The following CHRNA3 variants were observed in gnomAD, a reference collection of about 807,000 sequenced individuals.
The protein encoded by CHRNA3 is cholinergic receptor nicotinic alpha 3 subunit.
Under a neutral mutation model 41.9 loss-of-function variants are expected in CHRNA3, and 34 were observed. The ratio of observed to expected loss-of-function variants is 0.81; its 90% CI spans 0.62 to 1.08. The LOEUF (loss-of-function observed/expected upper bound fraction) is 1.08. Among genes scored for constraint, CHRNA3 ranks in the 50% least tolerant of loss-of-function variants. The probability of loss-of-function intolerance (pLI) is 0.00; values close to 1 mark genes in which losing one functional copy is unlikely to be tolerated. For missense variants in CHRNA3, 542 were observed against 638.3 expected, an observed-to-expected ratio of 0.85 and a Z score of 1.63; for synonymous variants, 281 against 265.2, an observed-to-expected ratio of 1.06 and a Z score of -0.58.
rs1485878672 is a variant in CHRNA3 at position 78,595,958 on chromosome 15, A to T, written c.*646T>A. The T allele has an allele frequency of 1.3e-6, 1 of 781,260 alleles. No homozygotes were observed. Among genetic ancestry groups the T allele is most frequent in the African/African-American group, 1.9e-5 (1 of 52,790 alleles). The allele number at this position is 781,260 out of a possible 1,614,324, so 48.4% of individuals were successfully genotyped here. ...TGGTGCCTTGACCTTGGACCTCCCA[A>T]CCTCCAAAACTGAGAAGTTTCTGTT... On this transcript the variant is annotated 3_prime_UTR_variant, in exon 6 of 6. Transcript: ENST00000326828.
intron 4 of CHRNA3, among the ~76,000 whole-genome samples, chr15:78,606,852 TCATGCCAC>T (rs1163389044): frequency 1.3e-5 from 2 of 151,518 alleles, no homozygotes; most frequent in African/African-American, 4.9e-5. Context: ...TGAGCTGAGA[TCATGCCAC>T]CACGAGAGTC....
In CHRNA3 at chr15:78,617,012, C is replaced by T. The variant is rs2053472378; in HGVS notation, c.377+12G>A. 2 of 1,600,580 alleles carry T rather than the reference C, an allele frequency of 1.2e-6. No homozygotes were observed. Among genetic ancestry groups the T allele is most frequent in the Admixed American group, 1.7e-5 (1 of 59,742 alleles). ...ACAGCCCTGAGAGGGCGTGGGCCCC[C>T]CAGCACCTTACTTGTTATACAGCAC... On this transcript the variant is annotated intron_variant, in intron 4 of 5. Coordinates refer to ENST00000326828, the MANE Select transcript of CHRNA3 (RefSeq NM_000743.5).
At position 78,620,926 on chromosome 15, in the gene CHRNA3, T is replaced by C; in HGVS notation, c.-132A>G. On this transcript the variant is annotated 5_prime_UTR_variant, in exon 1 of 6. Coordinates refer to ENST00000326828, the MANE Select transcript of CHRNA3 (RefSeq NM_000743.5). ...CCGTGCGGGCGGAGACGCGCGGGGCTCCTCTCCGCTTCGCCGCCGCTGGGT... is the reference window on the plus strand; with the variant it reads ...CCGTGCGGGCGGAGACGCGCGGGGCCCCTCTCCGCTTCGCCGCCGCTGGGT... The C allele has an allele frequency of 8.8e-7, 1 of 1,130,540 alleles. No individual in the cohort carries two copies. The highest frequency in any genetic ancestry group is 1.1e-6 in the Non-Finnish European group (1 of 903,624). The allele number at this position is 1,130,540 out of a possible 1,614,324, so 70.0% of individuals were successfully genotyped here.
At chr15:78,606,540 G>T (rs542209800) in intron 4 of CHRNA3, among the ~76,000 whole-genome samples, 1 of 152,100 alleles carries the variant, frequency 6.6e-6, no homozygotes, top group Admixed American at 6.6e-5. Context: ...ATGAAAGAAT[G>T]TATAAAGAAC....
chr15:78,603,947 A>G (rs1034054509), intron 4 of CHRNA3, among the ~76,000 whole-genome samples: 6 of 152,036 alleles, frequency 3.9e-5, no homozygotes, highest in African/African-American at 1.4e-4. Flanking sequence ...GACTCAGCCC[A>G]TGTTTAGCAC....
chr15:78,596,623 A>C lies in CHRNA3; in HGVS notation c.1499T>G (p.Met500Arg), dbSNP rs1260151778. 1.2e-6 allele frequency: 2 copies of C among 1,608,106 alleles called. No homozygotes were observed. The highest frequency in any genetic ancestry group is 1.1e-5 in the South Asian group (1 of 89,614). ...TAGTGCTTATGCATCTTCCCTGGCC[A>C]TCAGGGGTTGCAGAAACAATCCTGC... is the stretch of plus-strand genomic sequence containing the variant. ...GTAGLFLQPL[M>R]AREDA The change falls in exon 6 of 6, where the codon ATG (methionine) becomes AGG (arginine). Residue 500 changes from methionine (M) to arginine (R), a missense_variant. Transcript: ENST00000326828.
intron 4 of CHRNA3, among the ~76,000 whole-genome samples, chr15:78,608,863 T>C (rs2141334979): frequency 6.6e-6 from 1 of 152,148 alleles, no homozygotes; most frequent in Middle Eastern, 3.4e-3. Flanking sequence ...ATAACTAGAA[T>C]AACCAATGCA....
intron 4 of CHRNA3, among the ~76,000 whole-genome samples, chr15:78,605,252 T>C (rs538382107): frequency 6.6e-6 from 1 of 152,084 alleles, no homozygotes; most frequent in Non-Finnish European, 1.5e-5. Context: ...TCTCTCTAAA[T>C]TTCTTCAGAA....
chr15:78,604,525 C>G (rs1003880071), intron 4 of CHRNA3, among the ~76,000 whole-genome samples: 9 of 152,194 alleles, frequency 5.9e-5, no homozygotes, highest in Non-Finnish European at 1.3e-4. Flanking sequence ...GTCACTGTGG[C>G]TGCTGCCCAC....
chr15:78,618,472 A>G, intron 3 of CHRNA3, 145 bp downstream of exon 3: 1 of 868,092 alleles, frequency 1.2e-6, no homozygotes, highest in Non-Finnish European at 1.9e-6. Flanking sequence ...AAGCCTTAGA[A>G]GAGATATATC....
At chr15:78,603,394 A>G (rs1029434280) in intron 4 of CHRNA3, among the ~76,000 whole-genome samples, 1 of 152,196 alleles carries the variant, frequency 6.6e-6, no homozygotes, top group Non-Finnish European at 1.5e-5. Context: ...TGAGTCTTGC[A>G]TTGGGCATTC....
chr15:78,608,067 C>T (rs950419053), intron 4 of CHRNA3, among the ~76,000 whole-genome samples: 2 of 152,228 alleles, frequency 1.3e-5, no homozygotes, highest in African/African-American at 4.8e-5. Flanking sequence ...ACAAAGCAGC[C>T]GGGAAGCTCG....
chr15:78,602,692 G>T (rs553610591), intron 4 of CHRNA3, among the ~76,000 whole-genome samples: 1 of 152,208 alleles, frequency 6.6e-6, no homozygotes, highest in Admixed American at 6.5e-5. Context: ...AGTCTGTACC[G>T]GGCGCCTAAT....
chr15:78,619,208 G>C, intron 1 of CHRNA3: 2 of 469,662 alleles, frequency 4.3e-6, no homozygotes, highest in Non-Finnish European at 7.7e-6. Flanking sequence ...CTTGTAAGCT[G>C]TGTGAGCTTA....
At chr15:78,617,709 G>C (rs2053485489) in intron 3 of CHRNA3, among the ~76,000 whole-genome samples, 1 of 152,156 alleles carries the variant, frequency 6.6e-6, no homozygotes, top group Non-Finnish European at 1.5e-5. Flanking sequence ...TCAAGTACTG[G>C]GTGGGGCACT....
At position 78,596,799 on chromosome 15, in the gene CHRNA3, T is replaced by C. The variant is rs1264738708; in HGVS notation, c.1390-67A>G. The C allele has an allele frequency of 8.4e-6, 13 of 1,540,972 alleles. No homozygotes were observed. In the East Asian group the frequency reaches 1.1e-4, roughly 14 times the overall value. On this transcript the variant is annotated intron_variant, in intron 5 of 5. Coordinates refer to ENST00000326828, the MANE Select transcript of CHRNA3 (RefSeq NM_000743.5). The stretch of plus-strand genomic sequence containing the variant: ...AGGCAAATGAATACATTTTCAATAC[T>C]GAAGATGTAATCAACACGTTGCAGT...
In CHRNA3 at chr15:78,602,262, G is replaced by A. The variant is rs781514820; in HGVS notation, c.380C>T (p.Ala127Val). The change falls in exon 5 of 6, where the codon GCT becomes GTT. Residue 127 changes from alanine (A) to valine (V), a missense_variant and splice_region_variant. Coordinates refer to ENST00000326828, the MANE Select transcript of CHRNA3 (RefSeq NM_000743.5). ...WKPDIVLYNN[A>V]VGDFQVDDKT... ...GTCGTCCACCTGGAAATCCCCAACA[G>A]CACTGCAAAGACAAAGAGGGGGCAC... is the stretch of plus-strand genomic sequence containing the variant. 3 of 1,612,786 alleles carry A rather than the reference G, an allele frequency of 1.9e-6. No homozygotes were observed. The highest frequency in any genetic ancestry group is 2.5e-6 in the Non-Finnish European group (3 of 1,179,132).
intron 5 of CHRNA3, among the ~76,000 whole-genome samples, chr15:78,598,517 C>A (rs1047981955): frequency 6.6e-6 from 1 of 151,866 alleles, no homozygotes; most frequent in Admixed American, 6.6e-5. Context: ...CACTCAGCTT[C>A]CTGAGTAGCT....
chr15:78,596,461 C>CAAGATAAGTGG lies in CHRNA3; in HGVS notation c.*132_*142dup. ...TGACATTTTTTTTTTTGCATGATTC[C>CAAGATAAGTGG]AAGATAAGTGGAAAATAAGTAAACC... On this transcript the variant is annotated 3_prime_UTR_variant, in exon 6 of 6. Coordinates refer to ENST00000326828, the MANE Select transcript of CHRNA3 (RefSeq NM_000743.5). 7.7e-7 allele frequency: 1 copy of CAAGATAAGTGG among 1,301,990 alleles called. No individual in the cohort carries two copies. Among genetic ancestry groups the CAAGATAAGTGG allele is most frequent in the African/African-American group, 1.5e-5 (1 of 66,242 alleles). The allele number at this position is 1,301,990 out of a possible 1,614,324, so 80.7% of individuals were successfully genotyped here.
Sources: gnomAD v4.1 joint callset for allele counts (sites outside exome capture counted in the v4.1 genomes callset) on GRCh38, gnomAD v4.1.1 for gene constraint, MANE v1.5 for transcripts, NCBI Gene and HGNC (gene_info 2026-07-23, HGNC 2026-07-21) for gene names.